THSD4: variants seen among roughly 807,000 people sequenced by gnomAD.
THSD4 encodes the protein thrombospondin type 1 domain containing 4, also known as thrombospondin type-1 domain-containing protein 4.
In THSD4, 69 loss-of-function variants were observed where a neutral mutation model predicts 119.0. The observed-to-expected ratio is 0.58, with a 90% CI of 0.48 to 0.71. The LOEUF (loss-of-function observed/expected upper bound fraction) is 0.71. Among genes scored for constraint, THSD4 ranks in the 30% least tolerant of loss-of-function variants. THSD4 has a pLI of 0.00. For missense variants in THSD4, 1,393 were observed against 1,391.1 expected, an observed-to-expected ratio of 1.00 and a Z score of -0.02; for synonymous variants, 524 against 540.4, an observed-to-expected ratio of 0.97 and a Z score of 0.42.
intron 7 of THSD4, among the ~76,000 whole-genome samples, chr15:71,425,564 T>G (rs937651781): frequency 1.3e-5 from 2 of 152,090 alleles, no homozygotes; most frequent in African/African-American, 4.8e-5. Flanking sequence ...TGGCTGCCAG[T>G]GCCAGCCAGA....
chr15:71,154,259 C>T (rs1271289319), intron 2 of THSD4, among the ~76,000 whole-genome samples: 1 of 152,198 alleles, frequency 6.6e-6, no homozygotes, highest in African/African-American at 2.4e-5. Context: ...TTCCCCACCT[C>T]CTCTTTATTT....
intron 7 of THSD4, among the ~76,000 whole-genome samples, chr15:71,477,196 G>T (rs573188405): frequency 6.6e-6 from 1 of 152,328 alleles, no homozygotes; most frequent in South Asian, 2.1e-4. Context: ...AGACGTGCAC[G>T]GAGCCAGCCA....
chr15:71,314,201 A>AT (rs527630765), intron 6 of THSD4, among the ~76,000 whole-genome samples: 239 of 151,328 alleles, frequency 1.6e-3, no homozygotes, highest in Non-Finnish European at 2.3e-3. Context: ...TTATATCTTG[A>AT]TTTTTTTTTC....
chr15:71,543,541 G>A (rs2048790956), intron 7 of THSD4, among the ~76,000 whole-genome samples: 1 of 152,194 alleles, frequency 6.6e-6, no homozygotes, highest in Non-Finnish European at 1.5e-5. Context: ...CAGCCCCTGG[G>A]AATTATATGG....
chr15:71,478,743 G>T (rs943794585), intron 7 of THSD4, among the ~76,000 whole-genome samples: 2 of 152,176 alleles, frequency 1.3e-5, no homozygotes, highest in African/African-American at 4.8e-5. Flanking sequence ...CTGTATTTCT[G>T]ATAAAGGGAA....
intron 7 of THSD4, among the ~76,000 whole-genome samples, chr15:71,660,296 A>G (rs1310484054): frequency 6.6e-6 from 1 of 152,076 alleles, no homozygotes; most frequent in Non-Finnish European, 1.5e-5. Flanking sequence ...AGCACCCTAC[A>G]TCTTCCCTAG....
intron 6 of THSD4, among the ~76,000 whole-genome samples, chr15:71,279,340 G>A (rs1259021278): frequency 6.6e-6 from 1 of 152,152 alleles, no homozygotes; most frequent in Non-Finnish European, 1.5e-5. Context: ...TGCTTAAAAG[G>A]CCCCCATCAA....
Position 71,635,761 on chromosome 15 carries a change from A to C in THSD4, c.1153-24769A>C, listed in dbSNP as rs559636529. 4.9e-4 allele frequency among the ~76,000 whole-genome samples: 74 copies of C among 152,386 alleles called. No homozygotes were observed. The South Asian group carries it at 0.014, about 28-fold the overall frequency. On this transcript the variant is annotated intron_variant, in intron 7 of 17. Transcript: ENST00000261862. ...TGGAGGTGAGACTGGAAATAGTCAC[A>C]ATCATGATATTAATGGAATTAACGT...
At chr15:71,137,494 C>T (rs993273255) in intron 1 of THSD4, among the ~76,000 whole-genome samples, 1 of 152,178 alleles carries the variant, frequency 6.6e-6, no homozygotes, top group African/African-American at 2.4e-5. Flanking sequence ...AAGAAATACC[C>T]TTATTATGCG....
intron 6 of THSD4, among the ~76,000 whole-genome samples, chr15:71,365,130 ATT>A (rs2045941529): frequency 2.1e-5 from 1 of 48,294 alleles, no homozygotes. Context: ...TGCCCCCCCC[ATT>A]GTGTGTGTGT....
intron 6 of THSD4, among the ~76,000 whole-genome samples, chr15:71,287,034 C>T (rs2044727014): frequency 6.6e-6 from 1 of 152,146 alleles, no homozygotes; most frequent in Non-Finnish European, 1.5e-5. Flanking sequence ...GTCATGTATA[C>T]CTCAAATTTT....
intron 6 of THSD4, among the ~76,000 whole-genome samples, chr15:71,340,180 A>G (rs971131855): frequency 3.9e-5 from 6 of 152,178 alleles, no homozygotes; most frequent in African/African-American, 1.4e-4. Context: ...TGTCTCCCTG[A>G]CTGGACCGTG....
intron 7 of THSD4, among the ~76,000 whole-genome samples, chr15:71,489,783 C>T (rs2047885042): frequency 6.6e-6 from 1 of 151,890 alleles, no homozygotes; most frequent in Non-Finnish European, 1.5e-5. Context: ...CTGACTTATG[C>T]AATAATTTTC....
intron 6 of THSD4, among the ~76,000 whole-genome samples, chr15:71,281,748 G>C (rs1466089265): frequency 6.6e-6 from 1 of 152,156 alleles, no homozygotes; most frequent in African/African-American, 2.4e-5. Context: ...TTCTCCATTT[G>C]ATAAATGAGT....
chr15:71,776,978 T>A (rs1429873824), intron 17 of THSD4, among the ~76,000 whole-genome samples: 2 of 151,976 alleles, frequency 1.3e-5, no homozygotes, highest in East Asian at 3.8e-4. Flanking sequence ...ACCTCTGGAG[T>A]GATGAGGATG....
intron 6 of THSD4, among the ~76,000 whole-genome samples, chr15:71,332,120 G>A (rs1036899394): frequency 2.0e-5 from 3 of 152,160 alleles, no homozygotes; most frequent in Non-Finnish European, 4.4e-5. Context: ...GCTGTCAGAG[G>A]AGTCCCATGT....
At position 71,459,420 on chromosome 15, in the gene THSD4, C is replaced by CTG. The variant is rs1398044345; in HGVS notation, c.1152+47598_1152+47599insGT. On this transcript the variant is annotated intron_variant, in intron 7 of 17. Coordinates refer to ENST00000261862, the MANE Select transcript of THSD4 (RefSeq NM_024817.3). Reference sequence around the variant, plus strand: ...TCTCTCTCTCTGTCTCTCTCTCTCTCTCTCGTCAACATGCTCCTGAGCTGG... The same window carrying CTG: ...TCTCTCTCTCTGTCTCTCTCTCTCTCTGTCTCGTCAACATGCTCCTGAGCTGG... 3.3e-5 allele frequency among the ~76,000 whole-genome samples: 5 copies of CTG among 150,834 alleles called. No individual in the cohort carries two copies. In the East Asian group the frequency reaches 9.9e-4, roughly 30 times the overall value.
chr15:71,304,074 C>T (rs1025002305), intron 6 of THSD4, among the ~76,000 whole-genome samples: 24 of 152,320 alleles, frequency 1.6e-4, no homozygotes, highest in South Asian at 2.1e-4. Flanking sequence ...TATTCTTGGC[C>T]TTTTTATGGG....
chr15:71,390,849 CTTTTTTTTTTTTTTT>C (rs1010882999), intron 6 of THSD4, among the ~76,000 whole-genome samples: 2 of 90,880 alleles, frequency 2.2e-5, no homozygotes, highest in Admixed American at 2.8e-4. Context: ...TTGGCTAAAT[CTTTTTTTTTTTTTTT>C]TTTTTTTTTT....
Sources: gnomAD v4.1 joint callset for allele counts (sites outside exome capture counted in the v4.1 genomes callset) on GRCh38, gnomAD v4.1.1 for gene constraint, MANE v1.5 for transcripts, NCBI Gene and HGNC (gene_info 2026-07-23, HGNC 2026-07-21) for gene names.